The following RBBP6 variants were observed in gnomAD, a reference collection of about 807,000 sequenced individuals.
The protein encoded by RBBP6 is E3 ubiquitin-protein ligase RBBP6.
Under a neutral mutation model 167.7 loss-of-function variants are expected in RBBP6, and 25 were observed. The ratio of observed to expected loss-of-function variants is 0.15; its 90% confidence interval spans 0.11 to 0.21. The LOEUF is 0.21. Ranked by LOEUF, RBBP6 falls within the 10% of genes least tolerant of loss-of-function variation. The pLI is 1.00. For missense variants in RBBP6, 1,868 were observed against 2,134.2 expected (o/e 0.88, Z 2.46); for synonymous variants, 789 against 735.8 (o/e 1.07, Z -1.17).
At chr16:24,567,545 T>C (rs770351432) in intron 15 of RBBP6, 40 bp downstream of exon 15, 25 of 1,542,174 alleles carry the variant, frequency 1.6e-5, no homozygotes, top group Non-Finnish European at 2.1e-5. Flanking sequence ...ACTTTTTTCA[T>C]TTTCTGATAA....
intron 17 of RBBP6, 26 bp downstream of exon 17, chr16:24,570,525 G>T: frequency 6.6e-7 from 1 of 1,518,492 alleles, no homozygotes. Context: ...GGGTGGGTGT[G>T]GAACTTTGTT....
chr16:24,547,479 C>T (rs1898687340), intron 2 of RBBP6, among the ~76,000 whole-genome samples: 1 of 151,380 alleles, frequency 6.6e-6, no homozygotes, highest in Non-Finnish European at 1.5e-5. Context: ...TTGTTTTTTC[C>T]TGAGATGGAG....
rs1484224574 is a variant in RBBP6, at chr16:24,569,733, A to G, written c.3043A>G (p.Lys1015Glu). Residue 1015 changes from lysine (K) to glutamate (E), a missense_variant, in exon 17 of 18, where the codon AAG becomes GAG. This residue lies in a region of RBBP6 where 673 missense variants were observed against 691.5 expected (regional missense o/e 0.97). Transcript: ENST00000319715. ...GAGAGAAAGGGATAAACCAAAAGCA[A>G]AGGGTGATAAAACCAAACGGAAGAA... ...DKRERDKPKA[K>E]GDKTKRKNDG... The G allele has an allele frequency of 6.2e-7, 1 of 1,614,018 alleles. No individual in the cohort carries two copies. The highest frequency in any genetic ancestry group is 1.3e-5 in the African/African-American group (1 of 74,944).
intron 13 of RBBP6, among the ~76,000 whole-genome samples, chr16:24,563,992 T>C (rs768076663): frequency 1.3e-5 from 2 of 152,196 alleles, no homozygotes; most frequent in African/African-American, 2.4e-5. Context: ...ATTTTAAATA[T>C]GGTGGCAGTT....
chr16:24,544,531 T>C (rs1898588008), intron 1 of RBBP6, among the ~76,000 whole-genome samples: 1 of 152,212 alleles, frequency 6.6e-6, no homozygotes, highest in Non-Finnish European at 1.5e-5. Context: ...GTAAGCGTAA[T>C]AATCGGAAGA....
chr16:24,563,368 C>T (rs1375678726), intron 11 of RBBP6, 55 bp from the exon 12 acceptor site: 5 of 1,445,520 alleles, frequency 3.5e-6, no homozygotes, highest in African/African-American at 1.5e-5. Context: ...TTGTTCTTAC[C>T]TCTTTTTTTT....
Position 24,569,690 on chromosome 16 carries a change from A to T in RBBP6, c.3000A>T (p.Ser1000=). Reference sequence around the variant, plus strand: ...ATGCAGAATCAATCACTTTTAAATCAGTGTCTGAAAAAGACAAGAGAGAAA... The same window carrying T: ...ATGCAGAATCAATCACTTTTAAATCTGTGTCTGAAAAAGACAAGAGAGAAA... ...PMDAESITFK[S]VSEKDKRERD... Residue 1000 remains serine (S), a synonymous_variant, in exon 17 of 18, where the codon TCA becomes TCT. Coordinates refer to ENST00000319715, the MANE Select transcript of RBBP6 (RefSeq NM_006910.5). 1 of 1,613,948 alleles carries T rather than the reference A, an allele frequency of 6.2e-7. No homozygotes were observed. Among genetic ancestry groups the T allele is most frequent in the Admixed American group, 1.7e-5 (1 of 59,992 alleles).
intron 16 of RBBP6, among the ~76,000 whole-genome samples, chr16:24,568,493 A>T (rs1391980128): frequency 6.6e-6 from 1 of 152,240 alleles, no homozygotes; most frequent in Non-Finnish European, 1.5e-5. Context: ...GTTAGCTCAT[A>T]TAACTCACGG....
At chr16:24,551,335 CTA>C (rs1898790491) in intron 3 of RBBP6, among the ~76,000 whole-genome samples, 1 of 151,756 alleles carries the variant, frequency 6.6e-6, no homozygotes, top group South Asian at 2.1e-4. Context: ...CCAAGAGTCA[CTA>C]TTTTTATTGA....
intron 1 of RBBP6, among the ~76,000 whole-genome samples, chr16:24,543,292 CTTTTTT>C (rs200408370): frequency 7.9e-6 from 1 of 126,176 alleles, no homozygotes; most frequent in African/African-American, 2.9e-5. Context: ...TCCCTTAAAT[CTTTTTT>C]TTTTTTTTTT....
intron 7 of RBBP6, among the ~76,000 whole-genome samples, chr16:24,557,398 T>C (rs1459554428): frequency 6.6e-6 from 1 of 152,218 alleles, no homozygotes; most frequent in Non-Finnish European, 1.5e-5. Flanking sequence ...CCATTTTATC[T>C]GCTTTTATTA....
rs141293988 is a variant in RBBP6, at chr16:24,569,045, T to C, written c.2355T>C (p.Asn785=). The C allele has an allele frequency of 2.0e-3, 3,279 of 1,614,146 alleles. 10 individuals carry two copies. Among genetic ancestry groups the C allele is most frequent in the Non-Finnish European group, 2.6e-3 (3,073 of 1,180,018 alleles). Residue 785 remains asparagine, a synonymous_variant, in exon 17 of 18, where the codon AAT becomes AAC. Coordinates refer to ENST00000319715, the MANE Select transcript of RBBP6 (RefSeq NM_006910.5). ...AFRGQSPNKR[N]VPQGETEREY... The stretch of plus-strand genomic sequence containing the variant: ...GGGGACAGTCTCCTAATAAACGTAA[T>C]GTACCTCAAGGGGAAACAGAACGTG...
chr16:24,553,543 G>T lies in RBBP6; in HGVS notation c.334G>T (p.Ala112Ser). The change falls in exon 4 of 18, where the codon GCC (alanine) becomes TCC (serine). Residue 112 changes from alanine (A) to serine (S), a missense_variant. By Grantham distance (99) the Ala-to-Ser change is moderately conservative (BLOSUM62 1). This residue lies in a region of RBBP6 where 184 missense variants were observed against 327.7 expected (regional missense o/e 0.56). Transcript: ENST00000319715. ...TGACTCTTCCGCGTCTATTTCTCTGGCCCAGCTTACAAAGGTATATATATA... is the reference window on the plus strand; with the variant it reads ...TGACTCTTCCGCGTCTATTTCTCTGTCCCAGCTTACAAAGGTATATATATA... ...IDDSSASISL[A>S]QLTKTANLAE... 1.2e-6 allele frequency: 2 copies of T among 1,601,662 alleles called. No homozygotes were observed. Among genetic ancestry groups the T allele is most frequent in the Non-Finnish European group, 1.7e-6 (2 of 1,175,096 alleles).
intron 8 of RBBP6, among the ~76,000 whole-genome samples, chr16:24,560,862 C>T (rs889053062): frequency 1.6e-4 from 25 of 152,114 alleles, no homozygotes; most frequent in African/African-American, 6.0e-4. Flanking sequence ...CATCTACAGA[C>T]GTTATCTTCA....
At chr16:24,567,658 T>C (rs1899227824) in intron 15 of RBBP6, 134 bp from the exon 16 acceptor site, 2 of 1,246,260 alleles carry the variant, frequency 1.6e-6, no homozygotes, top group Non-Finnish European at 2.2e-6. Context: ...TTCTCAGGGA[T>C]TCCTAGTTTA....
chr16:24,566,420 T>C (rs1899195586), intron 14 of RBBP6, among the ~76,000 whole-genome samples: 1 of 152,182 alleles, frequency 6.6e-6, no homozygotes, highest in Non-Finnish European at 1.5e-5. Context: ...ACCCACTTCC[T>C]CCCTCAAAAA....
chr16:24,561,815 T>C lies in RBBP6; in HGVS notation c.952-9T>C. 1 of 1,609,334 alleles carries C rather than the reference T, an allele frequency of 6.2e-7. No homozygotes were observed. Among genetic ancestry groups the C allele is most frequent in the South Asian group, 1.1e-5 (1 of 90,934 alleles). On this transcript the variant is annotated splice_polypyrimidine_tract_variant and intron_variant, in intron 9 of 17. Transcript: ENST00000319715. ...CATTTTTCTGCATTATTATGCTTGGTATCTGTAGGCTGTAAATAACTTCAA... is the reference window on the plus strand; with the variant it reads ...CATTTTTCTGCATTATTATGCTTGGCATCTGTAGGCTGTAAATAACTTCAA...
chr16:24,564,658 C>T lies in RBBP6; in HGVS notation c.1521-139C>T, dbSNP rs534040807. On this transcript the variant is annotated intron_variant, in intron 13 of 17. Coordinates refer to ENST00000319715, the MANE Select transcript of RBBP6 (RefSeq NM_006910.5). ...TATAATATTTACTCAGCTCTGTATC[C>T]GAAACAAATTTAAGAACTGGGGAGT... 1.2e-4 allele frequency: 134 copies of T among 1,147,386 alleles called. 1 individual carries two copies. Among genetic ancestry groups the T allele is most frequent in the South Asian group, 2.4e-4 (10 of 41,354 alleles). 71.1% of individuals were successfully genotyped at this position (1,147,386 alleles called of 1,614,324 possible). A position where few individuals can be genotyped will look rare whatever the true frequency, so the allele number is the denominator to read the frequency against.
At chr16:24,556,219 T>C (rs1898909470) in intron 6 of RBBP6, 89 bp from the exon 7 acceptor site, 20 of 1,051,588 alleles carry the variant, frequency 1.9e-5, no homozygotes, top group South Asian at 3.1e-5. Context: ...ACAAGTAATA[T>C]AGTAAGCACT....
Sources: gnomAD v4.1 joint callset for allele counts (sites outside exome capture counted in the v4.1 genomes callset) on GRCh38, gnomAD v4.1.1 for gene constraint, gnomAD v4.1.1 regional missense constraint, MANE v1.5 for transcripts, NCBI Gene and HGNC (gene_info 2026-07-23, HGNC 2026-07-21) for gene names.